The following SLC9C1 variants were observed in gnomAD, a reference collection of about 807,000 sequenced individuals.
The protein encoded by SLC9C1 is sodium/hydrogen exchanger 10.
Under a neutral mutation model 140.9 loss-of-function variants are expected in SLC9C1, and 97 were observed. The ratio of observed to expected loss-of-function variants is 0.69; its 90% CI spans 0.58 to 0.82. The LOEUF (loss-of-function observed/expected upper bound fraction) is 0.82, where lower values mean the gene tolerates loss of function less well. SLC9C1 is among the 40% of genes least tolerant of loss of function. The pLI is 0.00. For missense variants in SLC9C1, 1,340 were observed against 1,389.3 expected (o/e 0.96, Z 0.56); for synonymous variants, 440 against 442.6 (o/e 0.99, Z 0.07).
At chr3:112,269,158 C>G (rs2080002835) in intron 7 of SLC9C1, among the ~76,000 whole-genome samples, 1 of 152,154 alleles carries the variant, frequency 6.6e-6, no homozygotes, top group Admixed American at 6.5e-5. Flanking sequence ...CTCTTTGTTG[C>G]CCGGGCTGGA....
chr3:112,208,059 G>T, intron 16 of SLC9C1, 119 bp downstream of exon 16: 1 of 748,234 alleles, frequency 1.3e-6, no homozygotes, highest in Non-Finnish European at 2.1e-6. Flanking sequence ...TTGGAGACGT[G>T]AGGAAGAAAT....
At chr3:112,197,009 G>T (rs1417142759) in intron 20 of SLC9C1, among the ~76,000 whole-genome samples, 1 of 151,746 alleles carries the variant, frequency 6.6e-6, no homozygotes, top group African/African-American at 2.4e-5. Flanking sequence ...CTGGAACTCA[G>T]ACTCTCCCTT....
chr3:112,163,288 T>C (rs200484559), intron 26 of SLC9C1, among the ~76,000 whole-genome samples: 17 of 147,658 alleles, frequency 1.2e-4, no homozygotes, highest in African/African-American at 3.7e-4. Context: ...CTGCTCTGAT[T>C]TTAGTTATTT....
chr3:112,211,500 T>C (rs140658297), intron 15 of SLC9C1, among the ~76,000 whole-genome samples: 2 of 152,166 alleles, frequency 1.3e-5, no homozygotes, highest in Non-Finnish European at 2.9e-5. Context: ...ATCGGGTCAC[T>C]CCCACCCTAA....
intron 15 of SLC9C1, 32 bp downstream of exon 15, chr3:112,217,408 AAT>A: frequency 6.5e-7 from 1 of 1,550,148 alleles, no homozygotes; most frequent in South Asian, 1.2e-5. Context: ...AAGTGAATAT[AAT>A]AGCATTTCTT....
intron 1 of SLC9C1, among the ~76,000 whole-genome samples, chr3:112,290,725 C>T (rs1450777580): frequency 1.3e-5 from 2 of 151,814 alleles, no homozygotes; most frequent in African/African-American, 4.8e-5. Context: ...CTTTATGAAT[C>T]TGGGTGCTCC....
At chr3:112,257,838 T>A (rs1294654457) in intron 10 of SLC9C1, among the ~76,000 whole-genome samples, 2 of 152,112 alleles carry the variant, frequency 1.3e-5, no homozygotes, top group Admixed American at 1.3e-4. Context: ...TATAAGGAAC[T>A]TAAACAAATT....
intron 26 of SLC9C1, among the ~76,000 whole-genome samples, chr3:112,161,004 AT>A (rs1334841713): frequency 6.6e-6 from 1 of 152,112 alleles, no homozygotes; most frequent in African/African-American, 2.4e-5. Context: ...TTTGATTTGC[AT>A]TTCTCTGATG....
chr3:112,141,787 A>C (rs2074632221), intron 28 of SLC9C1, among the ~76,000 whole-genome samples: 1 of 152,234 alleles, frequency 6.6e-6, no homozygotes, highest in Non-Finnish European at 1.5e-5. Flanking sequence ...AGAAGTGATC[A>C]AAACCACTCC....
chr3:112,200,640 T>G (rs568026358), intron 19 of SLC9C1, 71 bp downstream of exon 19: 3 of 1,413,124 alleles, frequency 2.1e-6, no homozygotes, highest in African/African-American at 2.9e-5. Flanking sequence ...GCTCGAGTTA[T>G]GAAAACCATT....
rs147413171 is a variant in SLC9C1 at position 112,204,373 on chromosome 3, G to T, written c.2017C>A (p.His673Asn). The T allele has an allele frequency of 3.8e-5, 59 of 1,568,438 alleles. No homozygotes were observed. The South Asian group carries it at 7.1e-4, about 19-fold the overall frequency. ...GCTAACTCGAATATGTTCCAGGCAT[G>T]TGAAAAAAAGTCCTTCCTCATTGCT... ...IAAMRKDFFS[H>N]AWNIFELAIT... Residue 673 changes from histidine to asparagine, a missense_variant, in exon 17 of 29, where the codon CAT becomes AAT. Physicochemically the swap from His to Asn is moderately conservative, Grantham distance 68. Transcript: ENST00000305815.
chr3:112,153,322 T>C (rs2075036003), intron 27 of SLC9C1, among the ~76,000 whole-genome samples: 2 of 150,920 alleles, frequency 1.3e-5, no homozygotes, highest in African/African-American at 4.9e-5. Flanking sequence ...CTTTCCTTCT[T>C]CAATCCCTCC....
intron 26 of SLC9C1, among the ~76,000 whole-genome samples, chr3:112,165,814 T>G (rs1237745000): frequency 6.6e-6 from 1 of 152,216 alleles, no homozygotes; most frequent in East Asian, 1.9e-4. Context: ...GAGGGACATT[T>G]AAGTCTGCAG....
At chr3:112,284,115 T>C (rs1364984668) in intron 2 of SLC9C1, among the ~76,000 whole-genome samples, 2 of 152,234 alleles carry the variant, frequency 1.3e-5, no homozygotes. Context: ...TGATTAGATT[T>C]GAAAGTGGTG....
chr3:112,271,817 A>T (rs1269546180), intron 6 of SLC9C1, among the ~76,000 whole-genome samples: 2 of 152,088 alleles, frequency 1.3e-5, no homozygotes, highest in Non-Finnish European at 2.9e-5. Flanking sequence ...TGCCAAAGTG[A>T]CTGATCGCTT....
intron 1 of SLC9C1, among the ~76,000 whole-genome samples, chr3:112,289,103 T>C (rs2080602650): frequency 6.6e-6 from 1 of 152,174 alleles, no homozygotes; most frequent in Non-Finnish European, 1.5e-5. Context: ...TGCTCAATTT[T>C]TAGTCTCAAA....
At chr3:112,171,325 G>A (rs529686169) in intron 23 of SLC9C1, among the ~76,000 whole-genome samples, 5 of 152,118 alleles carry the variant, frequency 3.3e-5, no homozygotes, top group East Asian at 1.9e-4. Flanking sequence ...GTGTATTGAC[G>A]TACCACTGTG....
intron 1 of SLC9C1, among the ~76,000 whole-genome samples, chr3:112,292,670 A>G (rs2080719049): frequency 6.6e-6 from 1 of 151,948 alleles, no homozygotes; most frequent in African/African-American, 2.4e-5. Flanking sequence ...CAGCCTCCCG[A>G]GTAGCTGGGA....
intron 26 of SLC9C1, among the ~76,000 whole-genome samples, chr3:112,165,663 G>C (rs1302739184): frequency 6.6e-6 from 1 of 152,188 alleles, no homozygotes; most frequent in East Asian, 1.9e-4. Flanking sequence ...AGCCATTTGA[G>C]GTGTCAGTCT....
Sources: gnomAD v4.1 joint callset for allele counts (sites outside exome capture counted in the v4.1 genomes callset) on GRCh38, gnomAD v4.1.1 for gene constraint, MANE v1.5 for transcripts, NCBI Gene and HGNC (gene_info 2026-07-23, HGNC 2026-07-21) for gene names.